LIPC: variants seen among roughly 807,000 people sequenced by gnomAD.
LIPC encodes hepatic triacylglycerol lipase.
In LIPC, 44 loss-of-function variants were observed where a neutral mutation model predicts 50.7. The observed-to-expected ratio is 0.87, with a 90% CI of 0.68 to 1.11. The LOEUF (loss-of-function observed/expected upper bound fraction) is 1.11. Ranked by LOEUF, LIPC falls within the 50% of genes most tolerant of loss-of-function variation. The pLI, the probability that LIPC is intolerant of heterozygous loss-of-function variation, is 0.00. For missense variants in LIPC, 697 were observed against 648.2 expected (o/e 1.08, Z -0.82); for synonymous variants, 271 against 256.4 (o/e 1.06, Z -0.54).
At chr15:58,472,270 C>CAAAA (rs35901617) in intron 1 of LIPC, among the ~76,000 whole-genome samples, 29 of 87,618 alleles carry the variant, frequency 3.3e-4, no homozygotes, top group South Asian at 4.1e-4. Context: ...CATTTGGTCT[C>CAAAA]AAAAAAAAAA....
chr15:58,505,415 T>C (rs539322683), intron 1 of LIPC, among the ~76,000 whole-genome samples: 3 of 152,312 alleles, frequency 2.0e-5, no homozygotes, highest in South Asian at 2.1e-4. Flanking sequence ...TGATTTAATA[T>C]ACAAAAAAAT....
intron 7 of LIPC, among the ~76,000 whole-genome samples, 194 bp downstream of exon 7, chr15:58,561,175 C>A (rs1344329916): frequency 6.6e-6 from 1 of 152,168 alleles, no homozygotes; most frequent in Non-Finnish European, 1.5e-5. Flanking sequence ...CGTGACACAG[C>A]CTCAGGAGGT....
intron 1 of LIPC, among the ~76,000 whole-genome samples, chr15:58,512,459 G>T (rs1321583991): frequency 6.6e-6 from 1 of 152,104 alleles, no homozygotes; most frequent in African/African-American, 2.4e-5. Flanking sequence ...GAAAGTCCAC[G>T]CAAATCAGTC....
At chr15:58,545,655 T>C in intron 4 of LIPC, 87 bp from the exon 5 acceptor site, 13 of 1,094,788 alleles carry the variant, frequency 1.2e-5, no homozygotes, top group Non-Finnish European at 1.6e-5. Context: ...AGTTCACTGA[T>C]GTATAATAAT....
At chr15:58,498,444 T>G (rs1349970457) in intron 1 of LIPC, among the ~76,000 whole-genome samples, 7 of 152,084 alleles carry the variant, frequency 4.6e-5, no homozygotes, top group Non-Finnish European at 8.8e-5. Flanking sequence ...AATTGTATCT[T>G]GAGGTGGGTG....
chr15:58,511,781 C>T (rs1387095949), intron 1 of LIPC, among the ~76,000 whole-genome samples: 1 of 152,166 alleles, frequency 6.6e-6, no homozygotes, highest in East Asian at 1.9e-4. Context: ...TTGGAAAAAA[C>T]TGTGGTTGTA....
intron 1 of LIPC, among the ~76,000 whole-genome samples, chr15:58,484,267 G>A (rs1891290112): frequency 6.6e-6 from 1 of 152,160 alleles, no homozygotes; most frequent in South Asian, 2.1e-4. Flanking sequence ...TCCATTTGGT[G>A]ATAATCCACT....
chr15:58,545,791 T>C lies in LIPC; in HGVS notation c.624T>C (p.Arg208=). 6.2e-7 allele frequency: 1 copy of C among 1,614,190 alleles called. No individual in the cohort carries two copies. Among genetic ancestry groups the C allele is most frequent in the Non-Finnish European group, 8.5e-7 (1 of 1,180,034 alleles). Residue 208 remains arginine, a synonymous_variant, in exon 5 of 9, where the codon CGT becomes CGC. Transcript: ENST00000299022. ...TTGAGGGAAGTGCCCCCAGCAATCGTCTTTCTCCAGATGATGCCAATTTTG... is the reference window on the plus strand; with the variant it reads ...TTGAGGGAAGTGCCCCCAGCAATCGCCTTTCTCCAGATGATGCCAATTTTG... ...PLFEGSAPSN[R]LSPDDANFVD...
chr15:58,496,003 A>T (rs1216284907), intron 1 of LIPC, among the ~76,000 whole-genome samples: 5 of 152,196 alleles, frequency 3.3e-5, no homozygotes, highest in Admixed American at 3.3e-4. Flanking sequence ...AGAAAAGGGA[A>T]GCTTGAGGAG....
chr15:58,559,240 C>G (rs1894068032), intron 6 of LIPC, among the ~76,000 whole-genome samples: 1 of 152,162 alleles, frequency 6.6e-6, no homozygotes, highest in Non-Finnish European at 1.5e-5. Flanking sequence ...GCTTGAAACT[C>G]AGGTCTTGAA....
In LIPC at chr15:58,432,036, G is replaced by T. The variant is rs756169441; in HGVS notation, c.4G>T (p.Asp2Tyr). Reference protein sequence around the residue: MDTSPLCFSILL... With the variant: MYTSPLCFSILL... Reference sequence around the variant, plus strand: ...GGACCCCGGGTGAAACGGAGAAATGGACACAAGTCCCCTGTGTTTCTCCAT... The same window carrying T: ...GGACCCCGGGTGAAACGGAGAAATGTACACAAGTCCCCTGTGTTTCTCCAT... Residue 2 changes from aspartate (D) to tyrosine (Y), a missense_variant, in exon 1 of 9, where the codon GAC becomes TAC. Transcript: ENST00000299022. 31 of 1,611,728 alleles carry T rather than the reference G, an allele frequency of 1.9e-5. No homozygotes were observed. Among genetic ancestry groups the T allele is most frequent in the Non-Finnish European group, 2.6e-5 (31 of 1,177,876 alleles).
At chr15:58,471,837 A>C (rs1330544339) in intron 1 of LIPC, among the ~76,000 whole-genome samples, 5 of 152,202 alleles carry the variant, frequency 3.3e-5, no homozygotes, top group African/African-American at 1.2e-4. Flanking sequence ...CTGCCCTACC[A>C]GTCCAGCCAC....
chr15:58,506,678 G>T (rs774008874), intron 1 of LIPC, among the ~76,000 whole-genome samples: 1 of 152,198 alleles, frequency 6.6e-6, no homozygotes, highest in Non-Finnish European at 1.5e-5. Flanking sequence ...GAAGACACAG[G>T]CTCAAATTAT....
At chr15:58,466,993 C>T (rs1595873247) in intron 1 of LIPC, among the ~76,000 whole-genome samples, 1 of 152,244 alleles carries the variant, frequency 6.6e-6, no homozygotes, top group Non-Finnish European at 1.5e-5. Context: ...TCATGACAAC[C>T]TCATTTTTTT....
chr15:58,518,603 G>A lies in LIPC; in HGVS notation c.89-19730G>A, dbSNP rs117423895. Among the ~76,000 whole-genome samples, 11 of 152,312 alleles carry A rather than the reference G, an allele frequency of 7.2e-5. No homozygotes were observed. The South Asian group carries it at 1.7e-3, about 23-fold the overall frequency. On this transcript the variant is annotated intron_variant, in intron 1 of 8. Coordinates refer to ENST00000299022, the MANE Select transcript of LIPC (RefSeq NM_000236.3). ...AGGAAACATTTCTGGAAGGCAACAC[G>A]GAATTAGTTAATGTGATGAGAGGCA...
intron 1 of LIPC, among the ~76,000 whole-genome samples, chr15:58,482,181 G>A (rs73422639): frequency 0.029 from 4,368 of 152,184 alleles, 206 homozygotes; most frequent in African/African-American, 0.1. Flanking sequence ...ATGGTAAAAC[G>A]TCTTCCTCCC....
intron 1 of LIPC, among the ~76,000 whole-genome samples, chr15:58,485,766 G>A (rs956187147): frequency 3.9e-5 from 6 of 152,228 alleles, no homozygotes; most frequent in Non-Finnish European, 7.3e-5. Flanking sequence ...ACATCCCAGC[G>A]CTGCCTTCCC....
chr15:58,522,413 A>G (rs1892684653), intron 1 of LIPC: 1 of 152,470 alleles, frequency 6.6e-6, no homozygotes, highest in Non-Finnish European at 1.5e-5. Flanking sequence ...TTCGGGGTAG[A>G]TGTTGAATTC....
intron 1 of LIPC, among the ~76,000 whole-genome samples, chr15:58,528,115 G>C (rs1360895443): frequency 6.9e-6 from 1 of 145,296 alleles, no homozygotes; most frequent in Non-Finnish European, 1.5e-5. Context: ...ACTCCAGCCT[G>C]AGTGACAAGA....
Sources: gnomAD v4.1 joint callset for allele counts (sites outside exome capture counted in the v4.1 genomes callset) on GRCh38, gnomAD v4.1.1 for gene constraint, MANE v1.5 for transcripts, NCBI Gene and HGNC (gene_info 2026-07-23, HGNC 2026-07-21) for gene names.